MYT1L: variants seen among roughly 807,000 people sequenced by gnomAD.
MYT1L encodes myelin transcription factor 1 like.
A neutral mutation model predicts 126.7 loss-of-function variants in MYT1L; 12 were observed. That is an observed-to-expected ratio of 0.09 (90% CI 0.06 to 0.15). The LOEUF (loss-of-function observed/expected upper bound fraction) is 0.15, where lower values mean the gene tolerates loss of function less well. Ranked by LOEUF, MYT1L falls within the 10% of genes least tolerant of loss-of-function variation. The pLI is 1.00. For synonymous variants in MYT1L, 541 were observed against 604.2 expected (o/e 0.90, Z 1.53); for missense variants, 979 against 1,585.2 (o/e 0.62, Z 6.49).
chr2:2,056,202 C>G (rs1168784141), intron 3 of MYT1L, among the ~76,000 whole-genome samples: 1 of 152,092 alleles, frequency 6.6e-6, no homozygotes, highest in Non-Finnish European at 1.5e-5. Flanking sequence ...CACCTTCAGC[C>G]TCTCATCAGG....
intron 9 of MYT1L, 94 bp downstream of exon 9, chr2:1,942,888 T>C: frequency 7.0e-7 from 1 of 1,438,544 alleles, no homozygotes; most frequent in Non-Finnish European, 9.1e-7. Flanking sequence ...ACAATTTCTT[T>C]ATATGCCAGT....
intron 2 of MYT1L, among the ~76,000 whole-genome samples, chr2:2,209,103 T>A (rs989640511): frequency 6.6e-6 from 1 of 152,206 alleles, no homozygotes; most frequent in Non-Finnish European, 1.5e-5. Flanking sequence ...AAACATTTTG[T>A]GTTTTTAATT....
At chr2:2,004,768 GTTCTTTCCTGCAGGCA>G (rs1249157195) in intron 4 of MYT1L, among the ~76,000 whole-genome samples, 1 of 133,396 alleles carries the variant, frequency 7.5e-6, no homozygotes, top group East Asian at 2.3e-4. Flanking sequence ...TCCTGAATAC[GTTCTTTCCTGCAGGCA>G]TTCTTTCCTG....
chr2:2,038,149 T>C (rs1349806013), intron 4 of MYT1L, among the ~76,000 whole-genome samples: 1 of 152,244 alleles, frequency 6.6e-6, no homozygotes, highest in Non-Finnish European at 1.5e-5. Context: ...CATTATTTTA[T>C]GATGTGTGCC....
Position 1,806,048 on chromosome 2 carries a change from C to T in MYT1L, c.3172+3028G>A, listed in dbSNP as rs2035652776. On this transcript the variant is annotated intron_variant, in intron 22 of 24. Transcript: ENST00000647738. The surrounding 1 kb of genome is among the most constrained non-coding windows in gnomAD (Gnocchi z 4.9). ...TGCTGTGCCTCTGTCCCCTGAAGAG[C>T]CGCAGGAATTGGATGCTGTGCCTCT... Among the ~76,000 whole-genome samples the T allele has an allele frequency of 2.1e-5, 3 of 139,620 alleles. No individual in the cohort carries two copies. The South Asian group carries it at 7.6e-4, about 36-fold the overall frequency. 91.6% of individuals were successfully genotyped at this position (139,620 alleles called of 152,430 possible). A position where few individuals can be genotyped will look rare whatever the true frequency, so the allele number is the denominator to read the frequency against.
chr2:2,261,160 T>C (rs1382244831), intron 2 of MYT1L, among the ~76,000 whole-genome samples: 1 of 151,988 alleles, frequency 6.6e-6, no homozygotes, highest in East Asian at 1.9e-4. Flanking sequence ...TGTGTGTGTG[T>C]GTGTGTGTAT....
intron 13 of MYT1L, among the ~76,000 whole-genome samples, chr2:1,905,861 T>C (rs2050982889): frequency 6.6e-6 from 1 of 152,260 alleles, no homozygotes; most frequent in African/African-American, 2.4e-5. Context: ...TCCCTGGGGA[T>C]GGAAATCTGA....
In MYT1L at chr2:1,956,233, C is replaced by CT. The variant is rs1159808045; in HGVS notation, c.153-12900_153-12899insA. ...TCTATCTATCTATCTATCTGTCTATCATCTATCTATCCTATTCTATATTTC... is the reference window on the plus strand; with the variant it reads ...TCTATCTATCTATCTATCTGTCTATCTATCTATCTATCCTATTCTATATTTC... On this transcript the variant is annotated intron_variant, in intron 8 of 24. Coordinates refer to ENST00000647738, the MANE Select transcript of MYT1L (RefSeq NM_001303052.2). Among the ~76,000 whole-genome samples, 466 of 124,806 alleles carry CT rather than the reference C, an allele frequency of 3.7e-3. 16 individuals are homozygous for CT. The highest frequency in any genetic ancestry group is 0.014 in the South Asian group (59 of 4,216). 81.9% of individuals were successfully genotyped at this position (124,806 alleles called of 152,430 possible).
chr2:1,912,208 T>C lies in MYT1L; in HGVS notation c.1619-98A>G, dbSNP rs2052116299. The stretch of plus-strand genomic sequence containing the variant: ...CATTTAACAAAGGCCAGGTCGCTCA[T>C]GATAGACAGTCCTACAAACGTTTGT... On this transcript the variant is annotated intron_variant, in intron 11 of 24. Transcript: ENST00000647738. The surrounding 1 kb of genome is among the most constrained non-coding windows in gnomAD (Gnocchi z 4.3). 1.3e-6 allele frequency: 1 copy of C among 761,564 alleles called. No homozygotes were observed. The highest frequency in any genetic ancestry group is 2.8e-5 in the Admixed American group (1 of 35,208). 47.2% of individuals were successfully genotyped at this position (761,564 alleles called of 1,614,324 possible). A position where few individuals can be genotyped will look rare whatever the true frequency, so the allele number is the denominator to read the frequency against.
intron 2 of MYT1L, among the ~76,000 whole-genome samples, chr2:2,220,150 A>T (rs1385549560): frequency 6.6e-6 from 1 of 152,186 alleles, no homozygotes; most frequent in Admixed American, 6.5e-5. Context: ...TCTGAGCCAA[A>T]TATGAGTGAC....
intron 4 of MYT1L, among the ~76,000 whole-genome samples, chr2:2,053,043 C>T (rs1006558607): frequency 4.6e-5 from 7 of 152,168 alleles, no homozygotes; most frequent in Admixed American, 3.9e-4. Context: ...CACACGTGTC[C>T]ACTGACAGAT....
chr2:1,962,724 A>G (rs1169367799), intron 8 of MYT1L, among the ~76,000 whole-genome samples: 4 of 152,210 alleles, frequency 2.6e-5, no homozygotes, highest in African/African-American at 9.7e-5. Context: ...CATTTCAACA[A>G]TGTTCACAGC....
chr2:1,965,126 GA>G (rs2059242345), intron 8 of MYT1L, among the ~76,000 whole-genome samples: 2 of 152,242 alleles, frequency 1.3e-5, no homozygotes, highest in Admixed American at 1.3e-4. Context: ...AGGCAGGGAA[GA>G]GGGGGACCCA....
chr2:2,109,247 T>C lies in MYT1L; in HGVS notation c.-303-55124A>G, dbSNP rs115327807. 5.6e-3 allele frequency among the ~76,000 whole-genome samples: 852 copies of C among 152,322 alleles called. 5 individuals carry two copies. Among genetic ancestry groups the C allele is most frequent in the African/African-American group, 0.02 (815 of 41,552 alleles). On this transcript the variant is annotated intron_variant, in intron 3 of 24. Transcript: ENST00000647738. The stretch of plus-strand genomic sequence containing the variant: ...TTGCAACAGTCTTTGGAATGTTTGC[T>C]ACAGAAGAAAAACACGGCAGTGTGT...
At chr2:2,189,328 C>A (rs931950921) in intron 2 of MYT1L, among the ~76,000 whole-genome samples, 9 of 152,154 alleles carry the variant, frequency 5.9e-5, no homozygotes, top group Non-Finnish European at 5.9e-5. Flanking sequence ...CCTTTCATGG[C>A]CTTTCGGGGG....
At position 1,943,093 on chromosome 2, in the gene MYT1L, C is replaced by T. The variant is rs1379957362; in HGVS notation, c.394G>A (p.Glu132Lys). 1 of 1,468,472 alleles carries T rather than the reference C, an allele frequency of 6.8e-7. No individual in the cohort carries two copies. The highest frequency in any genetic ancestry group is 1.2e-5 in the South Asian group (1 of 82,362). The allele number at this position is 1,468,472 out of a possible 1,614,324, so 91.0% of individuals were successfully genotyped here. The change falls in exon 9 of 25, where the codon GAG becomes AAG. Residue 132 changes from glutamate (E) to lysine (K), a missense_variant. Coordinates refer to ENST00000647738, the MANE Select transcript of MYT1L (RefSeq NM_001303052.2). This position sits in a 1 kb window ranked among gnomAD's most constrained non-coding sequence, Gnocchi z 4.4. ...EEDEEGDREEEEEIEEEDEDD... is the reference protein window; with the variant it reads ...EEDEEGDREEKEEIEEEDEDD... ...TCATCCTCCTCCTCGATCTCCTCCT[C>T]CTCCTCCCGGTCCCCCTCCTCGTCC...
intron 3 of MYT1L, among the ~76,000 whole-genome samples, chr2:2,162,250 T>C (rs2088097004): frequency 1.3e-5 from 2 of 151,802 alleles, no homozygotes; most frequent in African/African-American, 2.4e-5. Flanking sequence ...AGACAGTGCC[T>C]GCGGTCCACA....
At chr2:2,290,076 C>T (rs1573220211) in intron 1 of MYT1L, among the ~76,000 whole-genome samples, 1 of 152,356 alleles carries the variant, frequency 6.6e-6, no homozygotes, top group East Asian at 1.9e-4. Context: ...CATCGCAACG[C>T]TGCCACATGA....
chr2:2,222,356 G>A (rs2093898281), intron 2 of MYT1L, among the ~76,000 whole-genome samples: 1 of 151,994 alleles, frequency 6.6e-6, no homozygotes, highest in South Asian at 2.1e-4. Flanking sequence ...GCCAGGTGTG[G>A]TGGAGGGCAC....
Sources: allele counts gnomAD v4.1 joint callset (sites outside exome capture counted in the v4.1 genomes callset), GRCh38; gene constraint gnomAD v4.1.1; non-coding constraint Gnocchi (gnomAD v3.1); transcripts MANE v1.5; gene names NCBI Gene and HGNC (gene_info 2026-07-23, HGNC 2026-07-21).